SHISA9: variants seen among roughly 807,000 people sequenced by gnomAD.
SHISA9 encodes protein shisa-9.
In SHISA9, 13 loss-of-function variants were observed where a neutral mutation model predicts 38.0. The observed-to-expected ratio is 0.34, with a 90% CI of 0.22 to 0.54. The LOEUF (loss-of-function observed/expected upper bound fraction) is 0.54. SHISA9 is among the 20% of genes least tolerant of loss of function. The pLI is 0.91. For missense variants in SHISA9, 538 were observed against 575.8 expected (o/e 0.93, Z 0.67); for synonymous variants, 275 against 242.0 (o/e 1.14, Z -1.27).
chr16:13,266,775 T>G, the SHISA9 span, among the ~76,000 whole-genome samples: 1 of 151,926 alleles, frequency 6.6e-6, no homozygotes, highest in Non-Finnish European at 1.5e-5. Flanking sequence ...CCCTTGCACA[T>G]CAAGGAGGGA....
At chr16:13,013,780 T>G (rs934899058) in intron 2 of SHISA9, among the ~76,000 whole-genome samples, 1 of 151,776 alleles carries the variant, frequency 6.6e-6, no homozygotes, top group South Asian at 2.1e-4. Flanking sequence ...CAGGCTGGAG[T>G]GCAGTGGCGA....
chr16:13,036,948 T>C (rs1295164590), intron 2 of SHISA9, among the ~76,000 whole-genome samples: 3 of 152,104 alleles, frequency 2.0e-5, no homozygotes, highest in African/African-American at 7.2e-5. Flanking sequence ...TTCATTTTAG[T>C]CTCACCAACC....
At chr16:13,398,520 A>G in the SHISA9 span, among the ~76,000 whole-genome samples, 3 of 130,816 alleles carry the variant, frequency 2.3e-5, no homozygotes, top group African/African-American at 6.5e-5. Flanking sequence ...TTTTTTTTTG[A>G]CACAGATTCT....
At chr16:13,214,420 C>T (rs1254503984) in intron 4 of SHISA9, among the ~76,000 whole-genome samples, 2 of 152,060 alleles carry the variant, frequency 1.3e-5, no homozygotes, top group African/African-American at 4.8e-5. Context: ...GTTGGCCAGG[C>T]TGGTCAAAAT....
intron 2 of SHISA9, among the ~76,000 whole-genome samples, chr16:13,179,969 G>T (rs549269683): frequency 6.6e-6 from 1 of 152,266 alleles, no homozygotes; most frequent in East Asian, 1.9e-4. Context: ...CATTGATGAT[G>T]GTTTTACAAT....
chr16:13,337,558 G>C, the SHISA9 span, among the ~76,000 whole-genome samples: 1 of 152,176 alleles, frequency 6.6e-6, no homozygotes, highest in African/African-American at 2.4e-5. Flanking sequence ...AACATTGCCA[G>C]ATAATGGGCT....
At chr16:13,377,268 G>T in the SHISA9 span, among the ~76,000 whole-genome samples, 12 of 152,194 alleles carry the variant, frequency 7.9e-5, no homozygotes, top group African/African-American at 2.9e-4. Flanking sequence ...AGAAAGCTAT[G>T]GGCTGATCCC....
the SHISA9 span, among the ~76,000 whole-genome samples, chr16:13,358,526 A>G: frequency 1.3e-5 from 2 of 152,236 alleles, no homozygotes. Context: ...TGTTGCTGGC[A>G]TAAGTAGATG....
rs775647471 is a variant in SHISA9 at position 12,923,772 on chromosome 16, C to T, written c.691+6957C>T. The stretch of plus-strand genomic sequence containing the variant: ...AGGAGAATGGCATGAATCTGGGAGG[C>T]GGAGCTTGCAGTGAGCCGAGATCAC... On this transcript the variant is annotated intron_variant, in intron 2 of 4. Transcript: ENST00000558583. Among the ~76,000 whole-genome samples, 19 of 151,236 alleles carry T rather than the reference C, an allele frequency of 1.3e-4. 1 individual carries two copies. The highest frequency in any genetic ancestry group is 1.3e-3 in the South Asian group (6 of 4,780).
chr16:13,179,201 C>G (rs2050757050), intron 2 of SHISA9, among the ~76,000 whole-genome samples: 1 of 152,106 alleles, frequency 6.6e-6, no homozygotes, highest in Non-Finnish European at 1.5e-5. Context: ...TGCCTGTAAT[C>G]CCACCTATTC....
At chr16:13,098,226 C>A (rs1315966718) in intron 2 of SHISA9, among the ~76,000 whole-genome samples, 1 of 152,184 alleles carries the variant, frequency 6.6e-6, no homozygotes, top group African/African-American at 2.4e-5. Context: ...AGGCAAGCAA[C>A]AACTTCTTTG....
chr16:13,431,680 G>C, the SHISA9 span, among the ~76,000 whole-genome samples: 6 of 152,328 alleles, frequency 3.9e-5, no homozygotes, highest in South Asian at 1.2e-3. Flanking sequence ...CTTCTGGACT[G>C]ACTCAGCTCC....
At chr16:13,420,245 CAAAAAAAAAAA>C in the SHISA9 span, among the ~76,000 whole-genome samples, 60 of 50,408 alleles carry the variant, frequency 1.2e-3, 2 homozygotes, top group South Asian at 4.4e-3. Context: ...GAATCTGTTT[CAAAAAAAAAAA>C]AAAAAAAAAA....
At chr16:13,088,182 T>C (rs1342192542) in intron 2 of SHISA9, among the ~76,000 whole-genome samples, 4 of 152,212 alleles carry the variant, frequency 2.6e-5, no homozygotes, top group Non-Finnish European at 5.9e-5. Context: ...TTGGTCTATA[T>C]ATCTGTTTTG....
chr16:13,418,429 G>A, the SHISA9 span, among the ~76,000 whole-genome samples: 2 of 152,168 alleles, frequency 1.3e-5, no homozygotes, highest in African/African-American at 4.8e-5. Context: ...TCTTCACCAT[G>A]TGGCATCTGC....
intron 2 of SHISA9, among the ~76,000 whole-genome samples, chr16:13,080,265 T>C (rs372620910): frequency 6.6e-5 from 10 of 152,130 alleles, no homozygotes; most frequent in African/African-American, 2.4e-4. Flanking sequence ...CCCAGCTACT[T>C]GGGAGGCTGA....
intron 3 of SHISA9, among the ~76,000 whole-genome samples, chr16:13,211,681 C>T (rs997728974): frequency 2.0e-5 from 3 of 152,114 alleles, no homozygotes; most frequent in African/African-American, 7.2e-5. Context: ...TATTAAATGC[C>T]CTATTGTCAA....
At chr16:13,033,006 G>T (rs1257712165) in intron 2 of SHISA9, among the ~76,000 whole-genome samples, 5 of 152,178 alleles carry the variant, frequency 3.3e-5, no homozygotes, top group African/African-American at 4.8e-5. Flanking sequence ...TGCTGTGTTG[G>T]CCTCATTTTC....
At chr16:13,365,012 C>A in the SHISA9 span, among the ~76,000 whole-genome samples, 2 of 152,200 alleles carry the variant, frequency 1.3e-5, no homozygotes, top group South Asian at 4.2e-4. Flanking sequence ...GACCTAGGGA[C>A]ACCACAAGTC....
Sources: allele counts gnomAD v4.1 joint callset (sites outside exome capture counted in the v4.1 genomes callset), GRCh38; gene constraint gnomAD v4.1.1; transcripts MANE v1.5; gene names NCBI Gene and HGNC (gene_info 2026-07-23, HGNC 2026-07-21).